LAMC2: variants seen among roughly 807,000 people sequenced by gnomAD.
LAMC2 encodes the protein laminin subunit gamma 2, also known as laminin subunit gamma-2.
A neutral mutation model predicts 140.2 loss-of-function variants in LAMC2; 97 were observed. The observed-to-expected ratio is 0.69, with a 90% CI of 0.59 to 0.82. LAMC2 has a LOEUF of 0.82. Ranked by LOEUF, LAMC2 falls within the 40% of genes least tolerant of loss-of-function variation. The pLI is 0.00. For missense variants in LAMC2, 1,402 were observed against 1,476.1 expected (o/e 0.95, Z 0.82); for synonymous variants, 513 against 540.2 (o/e 0.95, Z 0.70).
At position 183,239,395 on chromosome 1, in the gene LAMC2, A is replaced by C. The variant is rs939604518; in HGVS notation, c.2901A>C (p.Ala967=). 1.2e-6 allele frequency: 2 copies of C among 1,614,096 alleles called. No homozygotes were observed. Among genetic ancestry groups the C allele is most frequent in the African/African-American group, 1.3e-5 (1 of 74,930 alleles). ...ACCTGCAGGTGGACAACAGAAAAGC[A>C]GAAGCTGAAGAAGCCATGAAGAGAC... ...EFDLQVDNRK[A]EAEEAMKRLS... is the part of the protein sequence containing the mutation. The change falls in exon 20 of 23, where the codon GCA becomes GCC. Residue 967 remains alanine (A), a synonymous_variant. Transcript: ENST00000264144.
At chr1:183,248,971 G>T (rs1487567338), downstream of LAMC2, 1 of 150,634 alleles carries the variant, frequency 6.6e-6, no homozygotes, top group East Asian at 2.0e-4. Flanking sequence ...GTAAGTACAA[G>T]TTTTTTCTCC....
At chr1:183,225,501 G>T (rs1571527960) in intron 7 of LAMC2, 107 bp from the exon 8 acceptor site, 2 of 810,508 alleles carry the variant, frequency 2.5e-6, no homozygotes, top group East Asian at 5.1e-5. Context: ...CTTCTAAGCA[G>T]GACTGGGAAG....
At chr1:183,246,046 T>G (rs550160584), downstream of LAMC2, among the ~76,000 whole-genome samples, 23 of 152,044 alleles carry the variant, frequency 1.5e-4, no homozygotes, top group African/African-American at 5.3e-4. Flanking sequence ...GGCGGGCGCT[T>G]GTAATCCCAG....
chr1:183,239,392 A>C lies in LAMC2; in HGVS notation c.2898A>C (p.Lys966Asn). 6.2e-7 allele frequency: 1 copy of C among 1,614,212 alleles called. No homozygotes were observed. The highest frequency in any genetic ancestry group is 8.5e-7 in the Non-Finnish European group (1 of 1,180,034). The change falls in exon 20 of 23, where the codon AAA becomes AAC. Residue 966 changes from lysine to asparagine, a missense_variant. Physicochemically the swap from Lys to Asn is moderately conservative, Grantham distance 94. Around this residue, in one of 3 missense-constraint regions of LAMC2, gnomAD observed 670 missense variants for 667.2 expected, o/e 1.00. Transcript: ENST00000264144. ...TTGACCTGCAGGTGGACAACAGAAA[A>C]GCAGAAGCTGAAGAAGCCATGAAGA... Reference protein sequence around the residue: ...REFDLQVDNRKAEAEEAMKRL... With the variant: ...REFDLQVDNRNAEAEEAMKRL...
rs1558097384 is a variant in LAMC2 at position 183,235,735 on chromosome 1, G to C, written c.2456+5G>C. The C allele has an allele frequency of 6.2e-7, 1 of 1,613,772 alleles. No homozygotes were observed. Among genetic ancestry groups the C allele is most frequent in the South Asian group, 1.1e-5 (1 of 91,050 alleles). On this transcript the variant is annotated splice_donor_5th_base_variant and intron_variant, in intron 16 of 22. Transcript: ENST00000264144. Reference sequence around the variant, plus strand: ...GGTGCAAGGGCTTGTGGAAAAGTACGTTCCTACGGGTCCTCCCGTGGCTCA... The same window carrying C: ...GGTGCAAGGGCTTGTGGAAAAGTACCTTCCTACGGGTCCTCCCGTGGCTCA...
intron 16 of LAMC2, 30 bp downstream of exon 16, chr1:183,235,760 A>G (rs751674136): frequency 1.2e-6 from 2 of 1,612,810 alleles, no homozygotes; most frequent in East Asian, 4.5e-5. Context: ...CCCGTGGCTC[A>G]TTATACCTTG....
At position 183,186,439 on chromosome 1, in the gene LAMC2, G is replaced by A. The variant is rs1658153781; in HGVS notation, c.79+8G>A. On this transcript the variant is annotated splice_region_variant and intron_variant, in intron 1 of 22. Coordinates refer to ENST00000264144, the MANE Select transcript of LAMC2 (RefSeq NM_005562.3). ...CCACCTCCAGGAGGGAAGGTGAGTC[G>A]GCTTCCACAAGGAAACATCTCAGCC... is the stretch of plus-strand genomic sequence containing the variant. 3 of 1,602,438 alleles carry A rather than the reference G, an allele frequency of 1.9e-6. No individual in the cohort carries two copies. The African/African-American group carries it at 4.0e-5, about 21-fold the overall frequency.
downstream of LAMC2, among the ~76,000 whole-genome samples, chr1:183,247,408 T>C (rs189377784): frequency 1.3e-5 from 2 of 152,266 alleles, no homozygotes; most frequent in Admixed American, 1.3e-4. Context: ...GTGTTTAGCT[T>C]TGTGAACAAA....
At chr1:183,187,830 G>A (rs1238345886) in intron 1 of LAMC2, among the ~76,000 whole-genome samples, 1 of 152,154 alleles carries the variant, frequency 6.6e-6, no homozygotes, top group African/African-American at 2.4e-5. Flanking sequence ...GTTTCTCAAG[G>A]CCACACAGGC....
downstream of LAMC2, among the ~76,000 whole-genome samples, chr1:183,246,176 A>C (rs916649489): frequency 6.6e-6 from 1 of 151,958 alleles, no homozygotes; most frequent in Non-Finnish European, 1.5e-5. Context: ...TCTCAAAAAA[A>C]AAAAAAAAAA....
intron 2 of LAMC2, among the ~76,000 whole-genome samples, chr1:183,213,598 G>A (rs1017790764): frequency 9.9e-5 from 15 of 151,402 alleles, no homozygotes; most frequent in Admixed American, 9.2e-4. Context: ...TCAGGAGTTC[G>A]AGACCAGCCT....
chr1:183,237,402 G>A lies in LAMC2; in HGVS notation c.2652G>A (p.Leu884=), dbSNP rs1444886177. The change falls in exon 18 of 23, where the codon CTG becomes CTA. Residue 884 remains leucine, a synonymous_variant. Transcript: ENST00000264144. ...AAAAAGCGGATTCACTCTCAAGCCT[G>A]GTAACCAGGCATATGGATGAGTTCA... The part of the protein sequence containing the change: ...IKQKADSLSS[L]VTRHMDEFKR... 3.7e-6 allele frequency: 6 copies of A among 1,613,974 alleles called. No homozygotes were observed. The highest frequency in any genetic ancestry group is 1.3e-5 in the African/African-American group (1 of 74,908).
At chr1:183,229,771 T>C (rs1294920598) in intron 11 of LAMC2, among the ~76,000 whole-genome samples, 1 of 152,116 alleles carries the variant, frequency 6.6e-6, no homozygotes, top group Non-Finnish European at 1.5e-5. Flanking sequence ...CTTGAAGTGC[T>C]TGAGGACCTC....
At chr1:183,213,934 G>A (rs1039292002) in intron 2 of LAMC2, among the ~76,000 whole-genome samples, 23 of 150,632 alleles carry the variant, frequency 1.5e-4, no homozygotes, top group African/African-American at 3.9e-4. Context: ...GCGTGGTGGC[G>A]CATGCCTGTA....
At chr1:183,217,562 G>T (rs972815926) in intron 3 of LAMC2, among the ~76,000 whole-genome samples, 83 of 152,262 alleles carry the variant, frequency 5.5e-4, no homozygotes, top group African/African-American at 1.4e-4. Flanking sequence ...TCACCAAAAA[G>T]AATTTATGTA....
At position 183,245,070 on chromosome 1, in the gene LAMC2, T is replaced by G. The variant is rs1461324095; in HGVS notation, c.*1670T>G. ...CAACCATACAGGATTGATGATGCTGTCAATGAGATTTTTATGAGGTTTAAC... is the reference window on the plus strand; with the variant it reads ...CAACCATACAGGATTGATGATGCTGGCAATGAGATTTTTATGAGGTTTAAC... On this transcript the variant is annotated 3_prime_UTR_variant, in exon 23 of 23. Transcript: ENST00000264144. Among the ~76,000 whole-genome samples, 1 of 152,224 alleles carries G rather than the reference T, an allele frequency of 6.6e-6. No homozygotes were observed. The highest frequency in any genetic ancestry group is 1.5e-5 in the Non-Finnish European group (1 of 68,048).
Position 183,222,177 on chromosome 1 carries a change from C to T in LAMC2, c.729C>T (p.Ala243=), listed in dbSNP as rs919137075. 4 of 1,613,984 alleles carry T rather than the reference C, an allele frequency of 2.5e-6. No individual in the cohort carries two copies. The African/African-American group carries it at 5.3e-5, about 22-fold the overall frequency. Residue 243 remains alanine (A), a synonymous_variant, in exon 6 of 23, where the codon GCC becomes GCT. Transcript: ENST00000264144. ...GCCATCAAGATGTGTTTAGCTCAGCCCAACGACTAGACCCTGTCTATTTTG... is the reference window on the plus strand; with the variant it reads ...GCCATCAAGATGTGTTTAGCTCAGCTCAACGACTAGACCCTGTCTATTTTG... The part of the protein sequence containing the change: ...SQRHQDVFSS[A]QRLDPVYFVA...
rs757706945 is a variant in LAMC2, at chr1:183,207,859, C to G, written c.80-22C>G. ...TGTTTTTTTTTTTTTTTGACGATCT[C>G]TTTTGTATGCTTCCTCCCCAGTCTG... is the stretch of plus-strand genomic sequence containing the variant. On this transcript the variant is annotated intron_variant, in intron 1 of 22. Transcript: ENST00000264144. 1.8e-5 allele frequency: 25 copies of G among 1,412,630 alleles called. No homozygotes were observed. In the East Asian group the frequency reaches 3.4e-4, roughly 19 times the overall value. The allele number at this position is 1,412,630 out of a possible 1,614,324, so 87.5% of individuals were successfully genotyped here.
At chr1:183,209,529 A>G (rs916564057) in intron 2 of LAMC2, among the ~76,000 whole-genome samples, 1 of 152,182 alleles carries the variant, frequency 6.6e-6, no homozygotes, top group Non-Finnish European at 1.5e-5. Flanking sequence ...TGCATCCAGA[A>G]TCTTTTGGAT....
Sources: allele counts gnomAD v4.1 joint callset (sites outside exome capture counted in the v4.1 genomes callset), GRCh38; gene constraint gnomAD v4.1.1; regional missense constraint gnomAD v4.1.1; transcripts MANE v1.5; gene names NCBI Gene and HGNC (gene_info 2026-07-23, HGNC 2026-07-21).